Variants in CHN1 observed in about 807,000 individuals in gnomAD.
The protein encoded by CHN1 is N-chimaerin.
CHN1 carries 37 observed loss-of-function variants against 59.5 expected under a neutral mutation model. The observed-to-expected ratio is 0.62, with a 90% CI of 0.48 to 0.82. The LOEUF is 0.82. Among genes scored for constraint, CHN1 ranks in the 40% least tolerant of loss-of-function variants. CHN1 has a pLI of 0.00. For missense variants in CHN1, 469 were observed against 571.0 expected (o/e 0.82, Z 1.82); for synonymous variants, 206 against 200.4 (o/e 1.03, Z -0.24).
intron 11 of CHN1, among the ~76,000 whole-genome samples, chr2:174,804,749 G>T (rs549054320): frequency 1.3e-5 from 2 of 152,318 alleles, no homozygotes; most frequent in East Asian, 3.9e-4. Flanking sequence ...ACTGAGATTG[G>T]AAAGACTGTG....
chr2:174,936,512 C>T (rs1004064300), intron 3 of CHN1, among the ~76,000 whole-genome samples: 2 of 152,154 alleles, frequency 1.3e-5, no homozygotes, highest in Non-Finnish European at 2.9e-5. Context: ...CATGCACACA[C>T]ACACATATAT....
chr2:174,800,346 G>T, intron 12 of CHN1, 59 bp from the exon 13 acceptor site: 1 of 1,240,766 alleles, frequency 8.1e-7, no homozygotes, highest in Non-Finnish European at 1.1e-6. Flanking sequence ...TCTTCATTGT[G>T]CTTGAACACT....
intron 3 of CHN1, among the ~76,000 whole-genome samples, chr2:174,933,528 C>T (rs1689414187): frequency 1.3e-5 from 2 of 151,982 alleles, no homozygotes; most frequent in African/African-American, 2.4e-5. Flanking sequence ...GAAGTCAGTA[C>T]TGACCTTACC....
chr2:174,985,884 C>A (rs931664716), intron 1 of CHN1, among the ~76,000 whole-genome samples: 1 of 152,168 alleles, frequency 6.6e-6, no homozygotes, highest in Admixed American at 6.5e-5. Flanking sequence ...TTGGCAAGTG[C>A]CATCTTGTGG....
intron 5 of CHN1, among the ~76,000 whole-genome samples, chr2:174,886,322 T>C (rs556915896): frequency 7.7e-4 from 118 of 152,374 alleles, no homozygotes; most frequent in Non-Finnish European, 1.5e-3. Flanking sequence ...CTCAAGTTTA[T>C]TAACATATTA....
chr2:174,923,608 T>A (rs1162281888), intron 3 of CHN1, among the ~76,000 whole-genome samples: 2 of 152,268 alleles, frequency 1.3e-5, no homozygotes, highest in Non-Finnish European at 2.9e-5. Flanking sequence ...GAGAGTTTTT[T>A]AAAATACTCT....
intron 2 of CHN1, among the ~76,000 whole-genome samples, chr2:174,949,659 C>T (rs1188869361): frequency 1.3e-5 from 2 of 152,094 alleles, no homozygotes; most frequent in Admixed American, 6.6e-5. Context: ...AGTCACCAAG[C>T]CTGGCTGCAA....
chr2:175,003,309 T>G (rs142102869), intron 1 of CHN1, among the ~76,000 whole-genome samples: 1 of 152,360 alleles, frequency 6.6e-6, no homozygotes, highest in Non-Finnish European at 1.5e-5. Context: ...GATACATTAT[T>G]CATTTTGAAG....
chr2:174,973,128 TAGAAAG>T (rs1690811881), intron 1 of CHN1, among the ~76,000 whole-genome samples: 1 of 152,164 alleles, frequency 6.6e-6, no homozygotes, highest in Non-Finnish European at 1.5e-5. Flanking sequence ...GTCTAAGAGT[TAGAAAG>T]AGAATGCTGG....
chr2:174,834,100 CCA>C (rs1486864186), intron 7 of CHN1, among the ~76,000 whole-genome samples: 1 of 152,172 alleles, frequency 6.6e-6, no homozygotes, highest in Non-Finnish European at 1.5e-5. Flanking sequence ...GCCACCATGC[CCA>C]GTCTACAATA....
chr2:174,840,749 T>C (rs564404072), intron 7 of CHN1, among the ~76,000 whole-genome samples: 7 of 152,188 alleles, frequency 4.6e-5, no homozygotes, highest in East Asian at 3.9e-4. Context: ...TTTGAAAAGA[T>C]TGAGTTAGTA....
At chr2:174,987,809 A>G (rs1298656718) in intron 1 of CHN1, among the ~76,000 whole-genome samples, 1 of 152,154 alleles carries the variant, frequency 6.6e-6, no homozygotes, top group African/African-American at 2.4e-5. Flanking sequence ...AGGGAGACAG[A>G]TTTTAATAAC....
intron 1 of CHN1, among the ~76,000 whole-genome samples, chr2:174,978,142 GTTATT>G (rs1397263082): frequency 6.6e-6 from 1 of 152,142 alleles, no homozygotes; most frequent in African/African-American, 2.4e-5. Flanking sequence ...CGTGAAAAAT[GTTATT>G]TTATTTTGTT....
In CHN1 at chr2:174,913,377, T is replaced by G. The variant is rs1248378420; in HGVS notation, c.260+1681A>C. The stretch of plus-strand genomic sequence containing the variant: ...ATAGATAATCAGATGACCAGACTAT[T>G]TGGAAATAAGGTGGTGAAGAATTCT... On this transcript the variant is annotated intron_variant, in intron 5 of 12. Transcript: ENST00000409900. Among the ~76,000 whole-genome samples the G allele has an allele frequency of 2.0e-5, 3 of 152,138 alleles. No homozygotes were observed. The East Asian group carries it at 5.8e-4, about 29-fold the overall frequency.
At chr2:174,927,732 C>T (rs1022717500) in intron 3 of CHN1, among the ~76,000 whole-genome samples, 15 of 152,154 alleles carry the variant, frequency 9.9e-5, no homozygotes, top group African/African-American at 3.4e-4. Context: ...TTCTTGCCTA[C>T]AGTGGTAGTC....
intron 3 of CHN1, among the ~76,000 whole-genome samples, chr2:174,935,500 T>C (rs1689471309): frequency 2.6e-5 from 4 of 152,246 alleles, no homozygotes; most frequent in Admixed American, 2.6e-4. Flanking sequence ...CCTATAAGCA[T>C]TTAACAACCT....
intron 7 of CHN1, among the ~76,000 whole-genome samples, chr2:174,825,797 T>C (rs1162444909): frequency 6.6e-6 from 1 of 152,236 alleles, no homozygotes; most frequent in Non-Finnish European, 1.5e-5. Context: ...AAGTGATTTT[T>C]AAGATATGAA....
chr2:174,983,060 T>C (rs1045647411), intron 1 of CHN1, among the ~76,000 whole-genome samples: 1 of 152,132 alleles, frequency 6.6e-6, no homozygotes, highest in Non-Finnish European at 1.5e-5. Flanking sequence ...AGGATAGTGA[T>C]AAACTCTGGG....
chr2:174,988,214 G>A (rs1339387531), intron 1 of CHN1, among the ~76,000 whole-genome samples: 3 of 151,672 alleles, frequency 2.0e-5, no homozygotes, highest in African/African-American at 2.4e-5. Context: ...AAAATTAGCC[G>A]GGCATGGTGG....
Sources: gnomAD v4.1 joint callset for allele counts (sites outside exome capture counted in the v4.1 genomes callset) on GRCh38, gnomAD v4.1.1 for gene constraint, MANE v1.5 for transcripts, NCBI Gene and HGNC (gene_info 2026-07-23, HGNC 2026-07-21) for gene names.